CLSTN2: variants seen among roughly 807,000 people sequenced by gnomAD.
CLSTN2 encodes the protein calsyntenin 2.
Under a neutral mutation model 101.2 loss-of-function variants are expected in CLSTN2, and 48 were observed. The observed-to-expected ratio is 0.47, with a 90% CI of 0.38 to 0.60. The LOEUF is 0.60. CLSTN2 is among the 20% of genes least tolerant of loss of function. The pLI, the probability that CLSTN2 is intolerant of heterozygous loss-of-function variation, is 0.00. For synonymous variants in CLSTN2, 481 were observed against 463.6 expected (o/e 1.04, Z -0.48); for missense variants, 1,160 against 1,238.2 (o/e 0.94, Z 0.95).
intron 1 of CLSTN2, among the ~76,000 whole-genome samples, chr3:139,965,415 C>T (rs1315073044): frequency 1.3e-5 from 2 of 152,286 alleles, no homozygotes; most frequent in East Asian, 3.9e-4. Flanking sequence ...GATGTGTCTC[C>T]GATGCCTCTC....
chr3:140,076,114 T>G (rs1163154828), intron 1 of CLSTN2, among the ~76,000 whole-genome samples: 1 of 152,170 alleles, frequency 6.6e-6, no homozygotes, highest in Non-Finnish European at 1.5e-5. Flanking sequence ...GCCTTCTGTA[T>G]GTGTTTGACT....
intron 2 of CLSTN2, among the ~76,000 whole-genome samples, chr3:140,200,033 C>T (rs551822710): frequency 1.3e-5 from 2 of 152,122 alleles, no homozygotes; most frequent in South Asian, 2.1e-4. Context: ...TCGCTGGGTA[C>T]CTCCTACAAG....
intron 2 of CLSTN2, among the ~76,000 whole-genome samples, chr3:140,326,072 T>C (rs1418543995): frequency 6.6e-6 from 1 of 152,246 alleles, no homozygotes; most frequent in Non-Finnish European, 1.5e-5. Context: ...AAACAAGACA[T>C]ACCATTTTAA....
At chr3:140,519,078 C>G (rs1021879091) in intron 8 of CLSTN2, among the ~76,000 whole-genome samples, 1 of 152,180 alleles carries the variant, frequency 6.6e-6, no homozygotes, top group African/African-American at 2.4e-5. Flanking sequence ...GCCTTTATTT[C>G]ATTATTTACC....
chr3:140,383,907 C>A (rs1339936557), intron 2 of CLSTN2, among the ~76,000 whole-genome samples: 1 of 152,146 alleles, frequency 6.6e-6, no homozygotes, highest in Admixed American at 6.5e-5. Flanking sequence ...AGGGATAGAG[C>A]AAAGCACCTG....
At chr3:140,449,024 A>G (rs576828471) in intron 6 of CLSTN2, among the ~76,000 whole-genome samples, 1 of 152,198 alleles carries the variant, frequency 6.6e-6, no homozygotes, top group South Asian at 2.1e-4. Context: ...TCAGGGCCCA[A>G]AGAAACACGA....
intron 2 of CLSTN2, among the ~76,000 whole-genome samples, chr3:140,341,677 G>GCCACCGCGCCCGGCCGGA (rs2087494474): frequency 6.6e-6 from 1 of 152,194 alleles, no homozygotes; most frequent in Non-Finnish European, 1.5e-5. Context: ...CTGTGTTCAA[G>GCCACCGCGCCCGGCCGGA]TATTGCTGGT....
chr3:140,400,957 G>A (rs2088234903), intron 2 of CLSTN2, among the ~76,000 whole-genome samples: 1 of 152,202 alleles, frequency 6.6e-6, no homozygotes, highest in Non-Finnish European at 1.5e-5. Flanking sequence ...AGCACACATA[G>A]CTCTCCTTCA....
chr3:140,326,615 T>G (rs2087334146), intron 2 of CLSTN2, among the ~76,000 whole-genome samples: 1 of 152,160 alleles, frequency 6.6e-6, no homozygotes, highest in Non-Finnish European at 1.5e-5. Flanking sequence ...CCATCTCAGA[T>G]TCCTCCCAAA....
chr3:140,129,613 ATCTT>A (rs1258191672), intron 1 of CLSTN2, among the ~76,000 whole-genome samples: 1 of 152,210 alleles, frequency 6.6e-6, no homozygotes, highest in African/African-American at 2.4e-5. Flanking sequence ...TAAGGACTGT[ATCTT>A]TCTTCTGTCT....
chr3:140,014,788 G>A (rs1018404568), intron 1 of CLSTN2, among the ~76,000 whole-genome samples: 4 of 152,180 alleles, frequency 2.6e-5, no homozygotes, highest in African/African-American at 9.7e-5. Context: ...AGGAGGATGG[G>A]AGTGATCAGT....
chr3:140,529,864 T>C (rs375807742), intron 8 of CLSTN2, among the ~76,000 whole-genome samples: 7 of 152,220 alleles, frequency 4.6e-5, no homozygotes, highest in Admixed American at 2.0e-4. Flanking sequence ...TTGTGACCCA[T>C]ATTAAAATGA....
rs57840726 is a variant in CLSTN2, at chr3:140,521,048, ATT to A, written c.1345-11260_1345-11259del. 5.8e-3 allele frequency among the ~76,000 whole-genome samples: 730 copies of A among 125,420 alleles called. 1 individual carries two copies. Among genetic ancestry groups the A allele is most frequent in the African/African-American group, 0.014 (475 of 34,624 alleles). The allele number at this position is 125,420 out of a possible 152,430, so 82.3% of individuals were successfully genotyped here. A position where few individuals can be genotyped will look rare whatever the true frequency, so the allele number is the denominator to read the frequency against. On this transcript the variant is annotated intron_variant, in intron 8 of 16. Transcript: ENST00000458420. The stretch of plus-strand genomic sequence containing the variant: ...TTATCATGATTTTTAGCTTTTTTGC[ATT>A]TTTTTTTTTTTTTTTGCATTGAGTT...
At chr3:140,196,832 T>C (rs1025696338) in intron 2 of CLSTN2, among the ~76,000 whole-genome samples, 1 of 152,222 alleles carries the variant, frequency 6.6e-6, no homozygotes, top group Non-Finnish European at 1.5e-5. Flanking sequence ...AGCAACATGG[T>C]TATTTTGTTA....
chr3:140,047,763 C>A (rs1168316190), intron 1 of CLSTN2, among the ~76,000 whole-genome samples: 1 of 152,276 alleles, frequency 6.6e-6, no homozygotes, highest in South Asian at 2.1e-4. Flanking sequence ...AGCCACCACT[C>A]CTGTTCCCAC....
chr3:140,516,500 C>T (rs1391337591), intron 8 of CLSTN2, among the ~76,000 whole-genome samples: 1 of 149,006 alleles, frequency 6.7e-6, no homozygotes, highest in East Asian at 2.0e-4. Flanking sequence ...TTTAGAGGTG[C>T]TTTTAGCAGT....
chr3:140,318,925 T>A (rs1425875005), intron 2 of CLSTN2, among the ~76,000 whole-genome samples: 2 of 152,202 alleles, frequency 1.3e-5, no homozygotes, highest in Non-Finnish European at 1.5e-5. Context: ...CAATCTTGAT[T>A]TACTTTTCTT....
chr3:140,455,424 C>T (rs1366992580), intron 6 of CLSTN2, among the ~76,000 whole-genome samples: 3 of 152,216 alleles, frequency 2.0e-5, no homozygotes, highest in African/African-American at 7.2e-5. Context: ...CATCCCTAGG[C>T]CCCATTTGGG....
intron 8 of CLSTN2, among the ~76,000 whole-genome samples, chr3:140,504,812 G>A (rs1209702937): frequency 6.6e-6 from 1 of 152,170 alleles, no homozygotes; most frequent in Non-Finnish European, 1.5e-5. Context: ...AAGGTGGTAG[G>A]AGGAACGCTT....
Sources: allele counts gnomAD v4.1 joint callset (sites outside exome capture counted in the v4.1 genomes callset), GRCh38; gene constraint gnomAD v4.1.1; transcripts MANE v1.5; gene names NCBI Gene and HGNC (gene_info 2026-07-23, HGNC 2026-07-21).